Variants in NID1 observed in about 807,000 individuals in gnomAD.
NID1 encodes nidogen 1, also known as nidogen-1.
In NID1, 76 loss-of-function variants were observed where a neutral mutation model predicts 130.6. The observed-to-expected ratio is 0.58, with a 90% CI of 0.48 to 0.70. NID1 has a LOEUF of 0.70. Ranked by LOEUF, NID1 falls within the 30% of genes least tolerant of loss-of-function variation. The probability of loss-of-function intolerance (pLI) is 0.00; values close to 1 mark genes in which losing one functional copy is unlikely to be tolerated. For synonymous variants in NID1, 665 were observed against 675.1 expected, an observed-to-expected ratio of 0.98 and a Z score of 0.23; for missense variants, 1,517 against 1,664.8, an observed-to-expected ratio of 0.91 and a Z score of 1.54.
At chr1:236,058,335 T>C (rs945167743) in intron 1 of NID1, among the ~76,000 whole-genome samples, 4 of 152,142 alleles carry the variant, frequency 2.6e-5, no homozygotes, top group African/African-American at 9.7e-5. Context: ...TACAGAACCA[T>C]GTCTTCCCAC....
At chr1:236,038,294 G>A in intron 4 of NID1, 41 bp from the exon 5 acceptor site, 1 of 1,595,106 alleles carries the variant, frequency 6.3e-7, no homozygotes, top group Non-Finnish European at 8.6e-7. Flanking sequence ...AGCATTTCAT[G>A]CAGCTCTAGC....
At chr1:236,025,195 G>A (rs2385051) in intron 8 of NID1, among the ~76,000 whole-genome samples, 70,366 of 150,478 alleles carry the variant, frequency 0.47, 17,691 homozygotes, top group Middle Eastern at 0.63. Flanking sequence ...CAGGTGATCC[G>A]CCCTCTTTGG....
rs57153446 is a variant in NID1 at position 236,048,025 on chromosome 1, C to CA, written c.525+664dup. On this transcript the variant is annotated intron_variant, in intron 2 of 19. Coordinates refer to ENST00000264187, the MANE Select transcript of NID1 (RefSeq NM_002508.3). Reference sequence around the variant, plus strand: ...TGGGCAACAGAGCAAGACTCCATCTCAAAAAAAAAAAAAAAAAAAAAAAAA... The same window carrying CA: ...TGGGCAACAGAGCAAGACTCCATCTCAAAAAAAAAAAAAAAAAAAAAAAAAA... Among the ~76,000 whole-genome samples, 86 of 33,908 alleles carry CA rather than the reference C, an allele frequency of 2.5e-3. 1 individual carries two copies. The highest frequency in any genetic ancestry group is 6.5e-3 in the Admixed American group (13 of 2,010). 22.2% of individuals were successfully genotyped at this position (33,908 alleles called of 152,430 possible).
At chr1:236,025,480 T>C (rs1027365027) in intron 8 of NID1, among the ~76,000 whole-genome samples, 2 of 152,036 alleles carry the variant, frequency 1.3e-5, no homozygotes, top group Non-Finnish European at 2.9e-5. Context: ...CAGGCTGGTC[T>C]CAAACTCCTG....
At chr1:236,009,015 A>G (rs946361586) in intron 12 of NID1, among the ~76,000 whole-genome samples, 1 of 152,264 alleles carries the variant, frequency 6.6e-6, no homozygotes, top group Non-Finnish European at 1.5e-5. Context: ...TGATGAAAAT[A>G]TGTGTATTCA....
intron 16 of NID1, among the ~76,000 whole-genome samples, chr1:235,981,205 G>T (rs558454116): frequency 6.6e-6 from 1 of 152,194 alleles, no homozygotes; most frequent in African/African-American, 2.4e-5. Flanking sequence ...TGGATGTGCC[G>T]AAGAAACACA....
At chr1:236,059,168 C>T (rs571938999) in intron 1 of NID1, among the ~76,000 whole-genome samples, 30 of 152,238 alleles carry the variant, frequency 2.0e-4, no homozygotes, top group Non-Finnish European at 3.7e-4. Context: ...GTCCGTAACC[C>T]GTGCTCTTTC....
intron 1 of NID1, chr1:236,064,644 AC>A (rs1390364052): frequency 1.6e-6 from 1 of 607,200 alleles, no homozygotes; most frequent in Non-Finnish European, 3.0e-6. Context: ...AGCCACCCAG[AC>A]CCCGCGACCC....
At chr1:236,048,185 A>C (rs6429504) in intron 2 of NID1, among the ~76,000 whole-genome samples, 30,550 of 150,792 alleles carry the variant, frequency 0.2, 3,330 homozygotes, top group East Asian at 0.34. Context: ...TACAAAAAAA[A>C]CCAGCCGGGC....
chr1:236,064,580 G>T, intron 1 of NID1: 1 of 421,336 alleles, frequency 2.4e-6, no homozygotes, highest in South Asian at 2.4e-5. Flanking sequence ...CAGCCGCCGG[G>T]GAGGAAGCTC....
At chr1:236,010,391 T>C (rs1263836305) in intron 12 of NID1, among the ~76,000 whole-genome samples, 1 of 148,572 alleles carries the variant, frequency 6.7e-6, no homozygotes, top group East Asian at 2.1e-4. Flanking sequence ...AGCCTTGATC[T>C]CCCTGGCTCA....
Position 235,978,691 on chromosome 1 carries a change from T to A in NID1, c.3622+304A>T, listed in dbSNP as rs546995612. On this transcript the variant is annotated intron_variant, in intron 19 of 19. Transcript: ENST00000264187. Reference sequence around the variant, plus strand: ...TTGCTGTTAGGCCAGATGGATGGACTTTTAAAGGAGCAGAGATCCTAACAT... The same window carrying A: ...TTGCTGTTAGGCCAGATGGATGGACATTTAAAGGAGCAGAGATCCTAACAT... Among the ~76,000 whole-genome samples the A allele has an allele frequency of 2.6e-5, 4 of 152,344 alleles. No individual in the cohort carries two copies. In the South Asian group the frequency reaches 8.3e-4, roughly 32 times the overall value.
intron 12 of NID1, among the ~76,000 whole-genome samples, chr1:235,997,188 A>G (rs1475840972): frequency 2.6e-5 from 4 of 152,076 alleles, no homozygotes; most frequent in Admixed American, 6.6e-5. Flanking sequence ...GGTCTAGGGT[A>G]GGGCTCAACT....
chr1:236,026,585 A>G (rs561642080), intron 7 of NID1, among the ~76,000 whole-genome samples: 1 of 152,278 alleles, frequency 6.6e-6, no homozygotes. Context: ...TGGGGATCAG[A>G]CCAGGTAATG....
intron 11 of NID1, 115 bp from the exon 12 acceptor site, chr1:236,012,158 C>G (rs1658447100): frequency 1.5e-6 from 2 of 1,295,946 alleles, no homozygotes; most frequent in Middle Eastern, 1.9e-4. Flanking sequence ...GATCTGGGAA[C>G]AGTAATCCAA....
chr1:236,013,676 T>C, intron 10 of NID1, 116 bp from the exon 11 acceptor site: 37 of 1,166,974 alleles, frequency 3.2e-5, no homozygotes, highest in Non-Finnish European at 4.3e-5. Flanking sequence ...TCTAGGCATG[T>C]CCACAGCTTC....
intron 3 of NID1, among the ~76,000 whole-genome samples, chr1:236,044,336 A>G (rs1284048596): frequency 6.6e-6 from 1 of 152,218 alleles, no homozygotes; most frequent in African/African-American, 2.4e-5. Flanking sequence ...TATATTTTTT[A>G]AAAGGAAAAA....
intron 2 of NID1, among the ~76,000 whole-genome samples, chr1:236,047,038 G>C (rs1309600426): frequency 1.3e-5 from 2 of 152,176 alleles, no homozygotes; most frequent in Non-Finnish European, 2.9e-5. Context: ...TTGAACCCAG[G>C]AGGTGGAGAT....
At position 236,013,493 on chromosome 1, in the gene NID1, C is replaced by T. The variant is rs757755426; in HGVS notation, c.2322G>A (p.Arg774=). Residue 774 remains arginine, a synonymous_variant, in exon 11 of 20, where the codon CGG becomes CGA. Transcript: ENST00000264187. The stretch of plus-strand genomic sequence containing the variant: ...AGCCTCCTGTGTAGATACACTGGGC[C>T]CGCTGGGGTATGTCGCAGTTATGAA... ...TGLHNCDIPQ[R]AQCIYTGGSS... is the part of the protein sequence containing the mutation. The T allele has an allele frequency of 4.3e-6, 7 of 1,613,924 alleles. No individual in the cohort carries two copies. In the East Asian group the frequency reaches 1.6e-4, roughly 36 times the overall value.
Sources: gnomAD v4.1 joint callset for allele counts (sites outside exome capture counted in the v4.1 genomes callset) on GRCh38, gnomAD v4.1.1 for gene constraint, MANE v1.5 for transcripts, NCBI Gene and HGNC (gene_info 2026-07-23, HGNC 2026-07-21) for gene names.